SCAPER: variants seen among roughly 807,000 people sequenced by gnomAD.
The protein encoded by SCAPER is S-phase cyclin A associated protein in the ER.
In SCAPER, 98 loss-of-function variants were observed where a neutral mutation model predicts 182.2. The ratio of observed to expected loss-of-function variants is 0.54; its 90% CI spans 0.46 to 0.64. The LOEUF is 0.64. Among genes scored for constraint, SCAPER ranks in the 30% least tolerant of loss-of-function variants. SCAPER has a pLI of 0.00. For missense variants in SCAPER, 1,432 were observed against 1,690.0 expected (o/e 0.85, Z 2.68); for synonymous variants, 605 against 564.6 (o/e 1.07, Z -1.01).
intron 5 of SCAPER, among the ~76,000 whole-genome samples, chr15:76,818,040 G>A (rs2067229096): frequency 6.6e-6 from 1 of 152,142 alleles, no homozygotes; most frequent in African/African-American, 2.4e-5. Context: ...ACTACCCAAT[G>A]TCAAGAAATA....
intron 4 of SCAPER, among the ~76,000 whole-genome samples, chr15:76,847,732 G>A (rs1320601734): frequency 6.6e-6 from 1 of 152,096 alleles, no homozygotes; most frequent in Non-Finnish European, 1.5e-5. Context: ...AACAGCCTGG[G>A]CAACACAGCA....
chr15:76,683,442 G>C (rs1414313954), intron 20 of SCAPER, among the ~76,000 whole-genome samples: 1 of 152,060 alleles, frequency 6.6e-6, no homozygotes, highest in Non-Finnish European at 1.5e-5. Context: ...TGGCATCCCT[G>C]AAAGACAAGG....
intron 26 of SCAPER, among the ~76,000 whole-genome samples, chr15:76,410,018 C>T (rs1461781523): frequency 6.7e-6 from 1 of 150,266 alleles, no homozygotes; most frequent in East Asian, 2.0e-4. Flanking sequence ...GTTGTGAACT[C>T]CTGGACTCAA....
intron 3 of SCAPER, among the ~76,000 whole-genome samples, chr15:76,861,355 T>A (rs2071847669): frequency 6.6e-6 from 1 of 152,222 alleles, no homozygotes; most frequent in Non-Finnish European, 1.5e-5. Flanking sequence ...AACGAGACAG[T>A]TATCACGAAC....
At chr15:76,553,721 C>A (rs573299443) in intron 23 of SCAPER, among the ~76,000 whole-genome samples, 14 of 152,016 alleles carry the variant, frequency 9.2e-5, no homozygotes, top group Middle Eastern at 3.4e-3. Context: ...CTGAGCTGAG[C>A]CTTGGCCCTT....
At chr15:76,386,525 G>A (rs1237463020) in intron 27 of SCAPER, among the ~76,000 whole-genome samples, 1 of 152,196 alleles carries the variant, frequency 6.6e-6, no homozygotes, top group African/African-American at 2.4e-5. Flanking sequence ...TGGTGTGACA[G>A]AGGAGCAAGG....
intron 25 of SCAPER, among the ~76,000 whole-genome samples, chr15:76,455,131 C>T (rs1210573930): frequency 2.6e-5 from 4 of 152,100 alleles, no homozygotes; most frequent in African/African-American, 9.7e-5. Context: ...TAAGAATTTA[C>T]CATTTTTAAT....
intron 23 of SCAPER, among the ~76,000 whole-genome samples, chr15:76,570,627 G>C (rs1258070490): frequency 6.6e-6 from 1 of 152,070 alleles, no homozygotes. Context: ...TTTATAATCT[G>C]TGACTAGTAA....
chr15:76,418,987 A>G (rs1301289696), intron 26 of SCAPER, among the ~76,000 whole-genome samples: 1 of 152,226 alleles, frequency 6.6e-6, no homozygotes, highest in Non-Finnish European at 1.5e-5. Flanking sequence ...AGAGTCTGCC[A>G]GATAGTGTCT....
intron 22 of SCAPER, among the ~76,000 whole-genome samples, chr15:76,600,387 A>ATGTGTGTGTGTGTGTG (rs60494575): frequency 1.1e-5 from 1 of 88,664 alleles, no homozygotes; most frequent in African/African-American, 3.1e-5. Context: ...GTGTGTGTAT[A>ATGTGTGTGTGTGTGTG]TGTGTGTGTG....
intron 23 of SCAPER, among the ~76,000 whole-genome samples, chr15:76,561,396 C>T (rs781632386): frequency 6.6e-6 from 1 of 152,002 alleles, no homozygotes; most frequent in Non-Finnish European, 1.5e-5. Context: ...AATTATTTTA[C>T]CATAAAGTAT....
chr15:76,707,911 C>T (rs1161901103), intron 17 of SCAPER, among the ~76,000 whole-genome samples: 2 of 152,052 alleles, frequency 1.3e-5, no homozygotes, highest in Non-Finnish European at 2.9e-5. Flanking sequence ...CAACCACAAA[C>T]GACTGCATTA....
At chr15:76,436,935 C>A (rs893587447) in intron 25 of SCAPER, among the ~76,000 whole-genome samples, 1 of 152,176 alleles carries the variant, frequency 6.6e-6, no homozygotes, top group African/African-American at 2.4e-5. Flanking sequence ...AATCATATAT[C>A]CTCCGCAAAC....
chr15:76,776,543 G>A (rs995598646), intron 8 of SCAPER, among the ~76,000 whole-genome samples: 5 of 152,142 alleles, frequency 3.3e-5, no homozygotes, highest in African/African-American at 1.2e-4. Context: ...CATCAATGAG[G>A]CAGAAAAAGT....
intron 24 of SCAPER, among the ~76,000 whole-genome samples, chr15:76,482,092 T>C (rs283794): frequency 0.97 from 147,816 of 152,156 alleles, 71,936 homozygotes; most frequent in South Asian, 1. Flanking sequence ...TTCAGGTTAG[T>C]AGTCACTGAT....
rs7174524 is a variant in SCAPER at position 76,654,866 on chromosome 15, G to C, written c.2645+10787C>G. 7.9e-3 allele frequency among the ~76,000 whole-genome samples: 1,210 copies of C among 152,280 alleles called. 11 individuals carry two copies. The highest frequency in any genetic ancestry group is 0.028 in the African/African-American group (1,149 of 41,554). On this transcript the variant is annotated intron_variant, in intron 21 of 31. Transcript: ENST00000563290. The stretch of plus-strand genomic sequence containing the variant: ...GTGGAGTGAATCCACTTCATACCAT[G>C]ATCAAACCTCCAAGGGCAGCAAAGA...
chr15:76,623,156 T>C (rs1397717015), intron 21 of SCAPER, among the ~76,000 whole-genome samples: 1 of 152,220 alleles, frequency 6.6e-6, no homozygotes, highest in Non-Finnish European at 1.5e-5. Context: ...TATTAAACCT[T>C]TGGATGCATA....
intron 26 of SCAPER, among the ~76,000 whole-genome samples, chr15:76,428,253 G>A (rs775663050): frequency 2.6e-5 from 4 of 152,114 alleles, no homozygotes; most frequent in Non-Finnish European, 5.9e-5. Context: ...ACCACTGTTG[G>A]TTATAAATCC....
At chr15:76,796,068 A>G (rs918772283) in intron 7 of SCAPER, among the ~76,000 whole-genome samples, 17 of 152,186 alleles carry the variant, frequency 1.1e-4, no homozygotes, top group African/African-American at 3.9e-4. Context: ...CTCAATTTAA[A>G]AAAAGAAAAA....
Sources: allele counts gnomAD v4.1 joint callset (sites outside exome capture counted in the v4.1 genomes callset), GRCh38; gene constraint gnomAD v4.1.1; transcripts MANE v1.5; gene names NCBI Gene and HGNC (gene_info 2026-07-23, HGNC 2026-07-21).